VWF: variants seen among roughly 807,000 people sequenced by gnomAD.
The protein encoded by VWF is von Willebrand factor, also known as Factor VIII related antigen.
In VWF, 176 loss-of-function variants were observed where a neutral mutation model predicts 308.6. The observed-to-expected ratio is 0.57, with a 90% confidence interval of 0.50 to 0.65. VWF has a LOEUF of 0.65. Among genes scored for constraint, VWF ranks in the 30% least tolerant of loss-of-function variants. The pLI is 0.00. For missense variants in VWF, 3,146 were observed against 3,648.2 expected, an observed-to-expected ratio of 0.86 and a Z score of 3.55; for synonymous variants, 1,385 against 1,443.4, an observed-to-expected ratio of 0.96 and a Z score of 0.92.
At chr12:6,116,386 G>A (rs1034333179) in intron 3 of VWF, among the ~76,000 whole-genome samples, 11 of 152,320 alleles carry the variant, frequency 7.2e-5, no homozygotes, top group Non-Finnish European at 4.4e-5. Context: ...AGACCTGGGC[G>A]CTCTCTTAGG....
At position 6,031,561 on chromosome 12, in the gene VWF, G is replaced by T. The variant is rs753545906; in HGVS notation, c.2703C>A (p.Asn901Lys). 1.2e-5 allele frequency: 19 copies of T among 1,614,054 alleles called. No homozygotes were observed. The East Asian group carries it at 3.8e-4, about 32-fold the overall frequency. ...CCACTAGGATCCGAAAGGTCCCAGG[G>T]TTACTGCCGCAGTAATCCTGGGGAA... ...YVLVQDYCGS[N>K]PGTFRILVGN... Residue 901 changes from asparagine (N) to lysine (K), a missense_variant, in exon 21 of 52, where the codon AAC (asparagine) becomes AAA (lysine). By Grantham distance (94) the Asn-to-Lys change is moderately conservative (BLOSUM62 0). Around this residue, in one of 3 missense-constraint regions of VWF, gnomAD observed 1,304 missense variants for 1,353.0 expected, o/e 0.96. Transcript: ENST00000261405.
rs1054110033 is a variant in VWF at position 6,050,936 on chromosome 12, C to T, written c.2186+1607G>A. On this transcript the variant is annotated intron_variant, in intron 16 of 51. Coordinates refer to ENST00000261405, the MANE Select transcript of VWF (RefSeq NM_000552.5). ...TGCCACTGCACTCCAGCCTGGGCAA[C>T]AAGAGCAAAATTCAGTCTCAAAAAA... Among the ~76,000 whole-genome samples, 3 of 140,506 alleles carry T rather than the reference C, an allele frequency of 2.1e-5. No individual in the cohort carries two copies. In the South Asian group the frequency reaches 6.6e-4, roughly 31 times the overall value. 92.2% of individuals were successfully genotyped at this position (140,506 alleles called of 152,430 possible).
In VWF at chr12:6,065,130, A is replaced by C; in HGVS notation, c.1293+7T>G. On this transcript the variant is annotated splice_region_variant and intron_variant, in intron 11 of 51. Coordinates refer to ENST00000261405, the MANE Select transcript of VWF (RefSeq NM_000552.5). ...ACCCGACCAGCAGCCGGGCTGGCAA[A>C]GCTCACCTGGACAGTCTCAATGACA... 1 of 1,614,198 alleles carries C rather than the reference A, an allele frequency of 6.2e-7. No homozygotes were observed. Among genetic ancestry groups the C allele is most frequent in the Non-Finnish European group, 8.5e-7 (1 of 1,180,048 alleles).
chr12:6,015,029 G>A (rs571950738), intron 31 of VWF, among the ~76,000 whole-genome samples: 23 of 152,334 alleles, frequency 1.5e-4, no homozygotes, highest in Admixed American at 2.6e-4. Context: ...AATTTGCAAT[G>A]TGCTTCAGGT....
At chr12:6,037,104 T>C (rs760821341) in intron 18 of VWF, among the ~76,000 whole-genome samples, 8 of 152,216 alleles carry the variant, frequency 5.3e-5, no homozygotes, top group Non-Finnish European at 1.0e-4. Flanking sequence ...AAACTGTATA[T>C]ACATATGGTT....
At chr12:5,949,720 G>C in intron 51 of VWF, 66 bp downstream of exon 51, 5 of 1,468,234 alleles carry the variant, frequency 3.4e-6, no homozygotes, top group Non-Finnish European at 4.8e-6. Flanking sequence ...ATGTAACTAA[G>C]GATAGGTATC....
chr12:6,073,127 A>G (rs1489666017), intron 8 of VWF, among the ~76,000 whole-genome samples: 3 of 152,120 alleles, frequency 2.0e-5, no homozygotes, highest in Non-Finnish European at 4.4e-5. Flanking sequence ...TCGGCTTCCA[A>G]AAGTGCTGGG....
In VWF at chr12:5,962,219, T is replaced by A. The variant is rs372096857; in HGVS notation, c.7887+5267A>T. 2.0e-5 allele frequency among the ~76,000 whole-genome samples: 3 copies of A among 152,198 alleles called. No homozygotes were observed. In the East Asian group the frequency reaches 5.8e-4, roughly 29 times the overall value. ...CCTAAATAATCGAAGAGATATACTA[T>A]GTTCATAAATTGAAAAACTCAACCT... On this transcript the variant is annotated intron_variant, in intron 47 of 51. Transcript: ENST00000261405.
intron 22 of VWF, among the ~76,000 whole-genome samples, chr12:6,026,800 G>A (rs916147971): frequency 6.6e-6 from 1 of 152,190 alleles, no homozygotes; most frequent in Non-Finnish European, 1.5e-5. Context: ...GTAAATGTTT[G>A]AGGGAACAGA....
At position 5,976,135 on chromosome 12, in the gene VWF, C is replaced by A. The variant is rs2136363302; in HGVS notation, c.7413G>T (p.Lys2471Asn). ...CCGACCGACAGCTGTCCTCACAGGG[C>A]TTCTGGGAGCACTGGGCCACGCGGA... ...MGLRVAQCSQKPCEDSCRSGF... is the reference protein window; with the variant it reads ...MGLRVAQCSQNPCEDSCRSGF... Residue 2471 changes from lysine (K) to asparagine (N), a missense_variant, in exon 43 of 52, where the codon AAG becomes AAT. This residue lies in a region of VWF where 989 missense variants were observed against 1,117.4 expected (regional missense o/e 0.89). Transcript: ENST00000261405. The A allele has an allele frequency of 6.2e-7, 1 of 1,613,990 alleles. No homozygotes were observed. Among genetic ancestry groups the A allele is most frequent in the Non-Finnish European group, 8.5e-7 (1 of 1,180,036 alleles).
At chr12:5,952,219 G>T (rs1943199663) in intron 49 of VWF, 172 bp downstream of exon 49, 1 of 971,696 alleles carries the variant, frequency 1.0e-6, no homozygotes, top group East Asian at 2.6e-5. Flanking sequence ...ATATTGCAGA[G>T]AATTTTATCT....
At position 6,023,734 on chromosome 12, in the gene VWF, C is replaced by G; in HGVS notation, c.3276G>C (p.Glu1092Asp). 1 of 1,613,728 alleles carries G rather than the reference C, an allele frequency of 6.2e-7. No homozygotes were observed. ...DVCIYDTCSC[E>D]SIGDCACFCD... ...AGAAGCAGGCGCAGTCCCCAATGGACTCACAGGAGCAGGTGTCGTAAATGC... is the reference window on the plus strand; with the variant it reads ...AGAAGCAGGCGCAGTCCCCAATGGAGTCACAGGAGCAGGTGTCGTAAATGC... Residue 1092 changes from glutamate to aspartate, a missense_variant, in exon 25 of 52, where the codon GAG becomes GAC. Coordinates refer to ENST00000261405, the MANE Select transcript of VWF (RefSeq NM_000552.5).
chr12:6,097,060 G>A (rs1945111992), intron 5 of VWF, among the ~76,000 whole-genome samples: 1 of 152,168 alleles, frequency 6.6e-6, no homozygotes, highest in Non-Finnish European at 1.5e-5. Flanking sequence ...GGCAAAAGAT[G>A]TGCTTGAGTT....
chr12:5,955,486 C>T lies in VWF; in HGVS notation c.7888-1892G>A, dbSNP rs906063778. ...TGCGGTGTTTGGTTTTTTGTCCTTG[C>T]GATAGTTTACTGAGAATGATGATTT... On this transcript the variant is annotated intron_variant, in intron 47 of 51. Coordinates refer to ENST00000261405, the MANE Select transcript of VWF (RefSeq NM_000552.5). Among the ~76,000 whole-genome samples, 17 of 151,774 alleles carry T rather than the reference C, an allele frequency of 1.1e-4. No individual in the cohort carries two copies. In the South Asian group the frequency reaches 2.5e-3, roughly 22 times the overall value.
chr12:5,963,058 T>C (rs1943337797), intron 47 of VWF, among the ~76,000 whole-genome samples: 1 of 152,184 alleles, frequency 6.6e-6, no homozygotes, highest in Non-Finnish European at 1.5e-5. Flanking sequence ...TTCATGACCT[T>C]AGAATGGACA....
chr12:6,062,165 G>C (rs1467812230), intron 13 of VWF, among the ~76,000 whole-genome samples: 1 of 152,106 alleles, frequency 6.6e-6, no homozygotes, highest in East Asian at 1.9e-4. Context: ...TAATTTTTAA[G>C]AGTGTAAAGG....
chr12:6,066,602 A>C (rs1217186345), intron 10 of VWF, among the ~76,000 whole-genome samples: 1 of 152,236 alleles, frequency 6.6e-6, no homozygotes, highest in African/African-American at 2.4e-5. Flanking sequence ...CTCAGCCTCC[A>C]CCTGAAGTTC....
chr12:6,026,770 G>A (rs1336565339), intron 22 of VWF, among the ~76,000 whole-genome samples: 1 of 152,182 alleles, frequency 6.6e-6, no homozygotes, highest in Non-Finnish European at 1.5e-5. Context: ...GACTTTGAAT[G>A]TTCCCAACAC....
intron 5 of VWF, among the ~76,000 whole-genome samples, chr12:6,098,443 C>T (rs1430256561): frequency 6.6e-6 from 1 of 152,104 alleles, no homozygotes; most frequent in Non-Finnish European, 1.5e-5. Flanking sequence ...GAACAAATGC[C>T]CTATTGAATT....
Sources: gnomAD v4.1 joint callset for allele counts (sites outside exome capture counted in the v4.1 genomes callset) on GRCh38, gnomAD v4.1.1 for gene constraint, gnomAD v4.1.1 regional missense constraint, MANE v1.5 for transcripts, NCBI Gene and HGNC (gene_info 2026-07-23, HGNC 2026-07-21) for gene names.